Variants in TAFA4 observed in about 807,000 individuals in gnomAD.
TAFA4 encodes TAFA chemokine like family member 4.
TAFA4 carries 20 observed loss-of-function variants against 21.1 expected under a neutral mutation model. The ratio of observed to expected loss-of-function variants is 0.95; its 90% CI spans 0.67 to 1.38. The LOEUF is 1.38. TAFA4 is among the 40% of genes most tolerant of loss of function. TAFA4 has a pLI of 0.00. For synonymous variants in TAFA4, 71 were observed against 67.4 expected (o/e 1.05, Z -0.26); for missense variants, 211 against 180.9 (o/e 1.17, Z -0.95).
chr3:68,874,374 A>C (rs2089522182), intron 3 of TAFA4, among the ~76,000 whole-genome samples: 1 of 152,124 alleles, frequency 6.6e-6, no homozygotes, highest in Non-Finnish European at 1.5e-5. Context: ...AGCAACACCT[A>C]GGAAAATACA....
At position 68,752,884 on chromosome 3, in the gene TAFA4, C is replaced by A; in HGVS notation, c.265G>T (p.Ala89Ser). 1 of 1,614,020 alleles carries A rather than the reference C, an allele frequency of 6.2e-7. No homozygotes were observed. Among genetic ancestry groups the A allele is most frequent in the Non-Finnish European group, 8.5e-7 (1 of 1,180,014 alleles). ...FPGQVAGTTR[A>S]QPSCVEASIV... ...TTACCTTCAACACAAGAAGGTTGAG[C>A]CCGAGTTGTGCCCGCCACCTGTCCC... Residue 89 changes from alanine (A) to serine (S), a missense_variant, in exon 4 of 6, where the codon GCT (alanine) becomes TCT (serine). Ala to Ser is a moderately conservative substitution (Grantham distance 99). Coordinates refer to ENST00000295569, the MANE Select transcript of TAFA4 (RefSeq NM_182522.5).
intron 3 of TAFA4, among the ~76,000 whole-genome samples, chr3:68,803,347 G>A (rs1241871000): frequency 6.6e-6 from 1 of 152,152 alleles, no homozygotes; most frequent in Admixed American, 6.5e-5. Context: ...ATGGGAAGAG[G>A]GAGATTTGAT....
At chr3:68,893,971 TTAAA>T (rs2089759068) in intron 1 of TAFA4, among the ~76,000 whole-genome samples, 1 of 152,108 alleles carries the variant, frequency 6.6e-6, no homozygotes, top group Non-Finnish European at 1.5e-5. Flanking sequence ...CAAACTATCC[TTAAA>T]TAAACAAAAG....
chr3:68,808,868 C>T (rs1025503075), intron 3 of TAFA4, among the ~76,000 whole-genome samples: 10 of 152,122 alleles, frequency 6.6e-5, no homozygotes, highest in African/African-American at 2.4e-4. Flanking sequence ...TCCATGTCAT[C>T]CTCATTCTAG....
intron 5 of TAFA4, among the ~76,000 whole-genome samples, chr3:68,738,336 C>T (rs537756535): frequency 1.3e-5 from 2 of 152,220 alleles, no homozygotes; most frequent in East Asian, 3.9e-4. Context: ...GACCAATCAC[C>T]AGAGGGTGCC....
At chr3:68,916,513 A>G (rs2090006505) in intron 1 of TAFA4, among the ~76,000 whole-genome samples, 1 of 152,186 alleles carries the variant, frequency 6.6e-6, no homozygotes. Flanking sequence ...AGTATTCTGG[A>G]TTTACAGATT....
chr3:68,818,153 C>G (rs60226140), intron 3 of TAFA4, among the ~76,000 whole-genome samples: 5,570 of 152,304 alleles, frequency 0.037, 295 homozygotes, highest in East Asian at 0.23. Context: ...CAGCACTTGG[C>G]TACTTCATCC....
chr3:68,807,706 G>T (rs998646904), intron 3 of TAFA4, among the ~76,000 whole-genome samples: 4 of 152,180 alleles, frequency 2.6e-5, no homozygotes, highest in African/African-American at 9.7e-5. Context: ...GTGCCATTAT[G>T]TCAATCCAGA....
intron 3 of TAFA4, among the ~76,000 whole-genome samples, chr3:68,807,130 G>C (rs192758966): frequency 6.6e-6 from 1 of 152,258 alleles, no homozygotes; most frequent in East Asian, 1.9e-4. Flanking sequence ...TCAGCTGATC[G>C]GTCTAGGGCA....
intron 3 of TAFA4, among the ~76,000 whole-genome samples, chr3:68,816,017 G>A (rs1241737797): frequency 6.6e-6 from 1 of 152,164 alleles, no homozygotes; most frequent in Non-Finnish European, 1.5e-5. Context: ...CCTTTGTAGG[G>A]ACATATATGT....
intron 1 of TAFA4, among the ~76,000 whole-genome samples, chr3:68,930,141 CTTTTT>C (rs928318683): frequency 1.1e-4 from 16 of 152,086 alleles, no homozygotes; most frequent in Admixed American, 1.0e-3. Context: ...TCTTCTTTTT[CTTTTT>C]TAATTACTAA....
intron 3 of TAFA4, among the ~76,000 whole-genome samples, chr3:68,867,547 A>G (rs1016707902): frequency 2.0e-5 from 3 of 152,148 alleles, no homozygotes; most frequent in Non-Finnish European, 4.4e-5. Flanking sequence ...CTAATACTGT[A>G]ATTACAGTGT....
rs78696890 is a variant in TAFA4 at position 68,876,563 on chromosome 3, G to A, written c.130+4167C>T. ...GAACTAAAACAGCGTATGCTATTTA[G>A]TCAAGAGTATTTGCAGGGTTCCTAT... On this transcript the variant is annotated intron_variant, in intron 3 of 5. Coordinates refer to ENST00000295569, the MANE Select transcript of TAFA4 (RefSeq NM_182522.5). 7.9e-5 allele frequency among the ~76,000 whole-genome samples: 12 copies of A among 152,272 alleles called. No homozygotes were observed. The East Asian group carries it at 2.3e-3, about 29-fold the overall frequency.
intron 3 of TAFA4, among the ~76,000 whole-genome samples, chr3:68,803,152 T>A (rs999797006): frequency 6.6e-6 from 1 of 152,196 alleles, no homozygotes; most frequent in African/African-American, 2.4e-5. Flanking sequence ...TATTATTTTG[T>A]AGTTACCAGG....
chr3:68,849,608 A>G (rs1226919361), intron 3 of TAFA4, among the ~76,000 whole-genome samples: 1 of 152,214 alleles, frequency 6.6e-6, no homozygotes, highest in Non-Finnish European at 1.5e-5. Flanking sequence ...GCTGACTATC[A>G]CCAAGCAACC....
intron 3 of TAFA4, among the ~76,000 whole-genome samples, chr3:68,815,944 A>G (rs1361771932): frequency 1.3e-5 from 2 of 152,250 alleles, no homozygotes; most frequent in African/African-American, 4.8e-5. Context: ...GACTGGATTA[A>G]GAAAATGTGG....
Position 68,733,113 on chromosome 3 carries a change from T to TCCAGGATTGAAGC in TAFA4, c.*16_*28dup, listed in dbSNP as rs748812594. The TCCAGGATTGAAGC allele has an allele frequency of 6.2e-7, 1 of 1,612,728 alleles. No individual in the cohort carries two copies. The highest frequency in any genetic ancestry group is 8.5e-7 in the Non-Finnish European group (1 of 1,179,240). ...AAAGAGCTCCGCCTCCTGCTGCCCC[T>TCCAGGATTGAAGC]CCAGGATTGAAGCACACCTCTCTCT... On this transcript the variant is annotated 3_prime_UTR_variant, in exon 6 of 6. Transcript: ENST00000295569.
intron 3 of TAFA4, among the ~76,000 whole-genome samples, chr3:68,829,170 A>G (rs1057191760): frequency 1.3e-5 from 2 of 152,218 alleles, no homozygotes; most frequent in Non-Finnish European, 2.9e-5. Flanking sequence ...TACAGTAACC[A>G]AAACAGCATG....
At chr3:68,857,652 G>T (rs1349470624) in intron 3 of TAFA4, among the ~76,000 whole-genome samples, 1 of 151,994 alleles carries the variant, frequency 6.6e-6, no homozygotes, top group Non-Finnish European at 1.5e-5. Flanking sequence ...TTCCTTGAAT[G>T]TTACAAGTCC....
Sources: allele counts gnomAD v4.1 joint callset (sites outside exome capture counted in the v4.1 genomes callset), GRCh38; gene constraint gnomAD v4.1.1; transcripts MANE v1.5; gene names NCBI Gene and HGNC (gene_info 2026-07-23, HGNC 2026-07-21).